Variants in DCDC1 observed in about 807,000 individuals in gnomAD.
DCDC1 encodes the protein doublecortin domain-containing protein 1.
DCDC1 carries 200 observed loss-of-function variants against 178.3 expected under a neutral mutation model. The ratio of observed to expected loss-of-function variants is 1.12; its 90% CI spans 1.00 to 1.26. DCDC1 has a LOEUF of 1.26. DCDC1 is among the 50% of genes most tolerant of loss of function. The probability of loss-of-function intolerance (pLI) is 0.00; values close to 1 mark genes in which losing one functional copy is unlikely to be tolerated. For missense variants in DCDC1, 1,983 were observed against 1,749.2 expected (o/e 1.13, Z -2.38); for synonymous variants, 690 against 604.8 (o/e 1.14, Z -2.07).
intron 11 of DCDC1, among the ~76,000 whole-genome samples, chr11:31,126,068 G>C (rs1961572389): frequency 1.3e-5 from 2 of 152,116 alleles, no homozygotes; most frequent in South Asian, 4.1e-4. Context: ...CAGTGAACTT[G>C]AGGGAAAACA....
intron 10 of DCDC1, among the ~76,000 whole-genome samples, chr11:31,134,679 T>G (rs937743589): frequency 1.3e-5 from 2 of 152,248 alleles, no homozygotes; most frequent in African/African-American, 4.8e-5. Flanking sequence ...CTGATAATAA[T>G]AAGTCATATG....
At chr11:30,971,007 G>T (rs1357431944) in intron 20 of DCDC1, among the ~76,000 whole-genome samples, 1 of 152,108 alleles carries the variant, frequency 6.6e-6, no homozygotes, top group Non-Finnish European at 1.5e-5. Flanking sequence ...TATCATCACA[G>T]CTGGTGCGCC....
chr11:31,176,869 C>T (rs1036125690), intron 9 of DCDC1, among the ~76,000 whole-genome samples: 5 of 152,152 alleles, frequency 3.3e-5, no homozygotes, highest in Non-Finnish European at 5.9e-5. Flanking sequence ...GAATTCATCA[C>T]CATTAGGCTG....
At chr11:31,348,894 A>T (rs1950937612) in intron 1 of DCDC1, among the ~76,000 whole-genome samples, 1 of 152,224 alleles carries the variant, frequency 6.6e-6, no homozygotes, top group Admixed American at 6.5e-5. Flanking sequence ...TTGCCAAATT[A>T]TTCTTTTTAA....
At chr11:31,058,997 G>A (rs1360883481) in intron 20 of DCDC1, among the ~76,000 whole-genome samples, 1 of 151,974 alleles carries the variant, frequency 6.6e-6, no homozygotes, top group Non-Finnish European at 1.5e-5. Context: ...GTAGAGCATC[G>A]CATTCATGCC....
intron 9 of DCDC1, among the ~76,000 whole-genome samples, chr11:31,191,343 T>C (rs1391714545): frequency 2.6e-5 from 4 of 152,114 alleles, no homozygotes; most frequent in Non-Finnish European, 1.5e-5. Flanking sequence ...ATCATTTGTC[T>C]TTCAATTTTT....
At chr11:31,013,870 T>G (rs1397569652) in intron 20 of DCDC1, among the ~76,000 whole-genome samples, 1 of 152,218 alleles carries the variant, frequency 6.6e-6, no homozygotes, top group Admixed American at 6.5e-5. Flanking sequence ...GAAAGGTTTT[T>G]GGTGAGTCTG....
chr11:30,988,606 T>C (rs1378824730), intron 20 of DCDC1, among the ~76,000 whole-genome samples: 1 of 152,226 alleles, frequency 6.6e-6, no homozygotes, highest in Non-Finnish European at 1.5e-5. Context: ...TTTCTCTATC[T>C]ACAGCAGGGG....
At position 31,181,500 on chromosome 11, in the gene DCDC1, C is replaced by T. The variant is rs146215296; in HGVS notation, c.1222-43716G>A. On this transcript the variant is annotated intron_variant, in intron 9 of 38. Transcript: ENST00000684477. The stretch of plus-strand genomic sequence containing the variant: ...GCATCTGGTGGGTGCCCCTCTGGGA[C>T]GAAACTTCCAGAAGAAGGAACAGGC... 4.4e-3 allele frequency among the ~76,000 whole-genome samples: 665 copies of T among 152,248 alleles called. 3 individuals are homozygous for T. Among genetic ancestry groups the T allele is most frequent in the Non-Finnish European group, 8.2e-3 (555 of 68,014 alleles).
intron 9 of DCDC1, among the ~76,000 whole-genome samples, chr11:31,213,331 T>C: frequency 6.6e-6 from 1 of 151,874 alleles, no homozygotes; most frequent in Non-Finnish European, 1.5e-5. Context: ...AGACTGGATT[T>C]TAATTCCTGC....
chr11:31,332,185 C>T (rs557166268), intron 2 of DCDC1, among the ~76,000 whole-genome samples: 1 of 152,150 alleles, frequency 6.6e-6, no homozygotes, highest in South Asian at 2.1e-4. Context: ...TTATAGTATT[C>T]TCTGATGATA....
chr11:31,086,428 T>A (rs1352982438), intron 17 of DCDC1, among the ~76,000 whole-genome samples: 3 of 152,200 alleles, frequency 2.0e-5, no homozygotes, highest in Non-Finnish European at 2.9e-5. Flanking sequence ...CATGTTTTCT[T>A]GAATTGTGTG....
chr11:31,291,847 T>C (rs974062948), intron 6 of DCDC1, among the ~76,000 whole-genome samples: 2 of 152,126 alleles, frequency 1.3e-5, no homozygotes, highest in Non-Finnish European at 2.9e-5. Context: ...CTTTCTCTGT[T>C]AGCACTCACC....
intron 1 of DCDC1, among the ~76,000 whole-genome samples, chr11:31,353,977 T>C (rs547518358): frequency 6.6e-6 from 1 of 152,114 alleles, no homozygotes; most frequent in South Asian, 2.1e-4. Flanking sequence ...CTTTAAGAAG[T>C]CCAAAAGTGA....
chr11:31,065,236 T>TA (rs1956181524), intron 18 of DCDC1, 83 bp from the exon 19 acceptor site: 1 of 558,290 alleles, frequency 1.8e-6, no homozygotes, highest in South Asian at 2.9e-5. Flanking sequence ...GAGAGGAGGA[T>TA]AAATTACATT....
chr11:31,019,293 GA>G (rs1952701958), intron 20 of DCDC1, among the ~76,000 whole-genome samples: 1 of 152,290 alleles, frequency 6.6e-6, no homozygotes, highest in African/African-American at 2.4e-5. Flanking sequence ...TTCAGAGATG[GA>G]AAGACTTAAA....
At chr11:31,057,100 T>C (rs1955632938) in intron 20 of DCDC1, among the ~76,000 whole-genome samples, 1 of 151,996 alleles carries the variant, frequency 6.6e-6, no homozygotes, top group Admixed American at 6.6e-5. Context: ...GGCATGGTGG[T>C]GCGTGCCTGT....
intron 11 of DCDC1, among the ~76,000 whole-genome samples, chr11:31,121,535 C>T (rs957927028): frequency 2.0e-5 from 3 of 150,340 alleles, no homozygotes; most frequent in Non-Finnish European, 3.0e-5. Context: ...GATTTTCTAA[C>T]GTTAAGACCA....
At chr11:30,906,046 A>G (rs1945038044) in intron 30 of DCDC1, among the ~76,000 whole-genome samples, 1 of 152,170 alleles carries the variant, frequency 6.6e-6, no homozygotes, top group African/African-American at 2.4e-5. Flanking sequence ...AGGTTATAGG[A>G]AAGCGGTAAG....
Sources: allele counts gnomAD v4.1 joint callset (sites outside exome capture counted in the v4.1 genomes callset), GRCh38; gene constraint gnomAD v4.1.1; transcripts MANE v1.5; gene names NCBI Gene and HGNC (gene_info 2026-07-23, HGNC 2026-07-21).